RNF17: variants seen among roughly 807,000 people sequenced by gnomAD.
RNF17 encodes the protein ring finger protein 17, also known as spermatogenesis associated 23.
Under a neutral mutation model 200.5 loss-of-function variants are expected in RNF17, and 31 were observed. That is an observed-to-expected ratio of 0.15 (90% CI 0.12 to 0.21). RNF17 has a LOEUF of 0.21. Ranked by LOEUF, RNF17 falls within the 10% of genes least tolerant of loss-of-function variation. RNF17 has a pLI of 1.00. For synonymous variants in RNF17, 606 were observed against 637.8 expected, an observed-to-expected ratio of 0.95 and a Z score of 0.75; for missense variants, 1,628 against 1,905.1, an observed-to-expected ratio of 0.85 and a Z score of 2.71.
intron 4 of RNF17, among the ~76,000 whole-genome samples, chr13:24,779,405 G>A (rs1017322224): frequency 9.2e-5 from 14 of 151,932 alleles, no homozygotes; most frequent in African/African-American, 3.1e-4. Context: ...GGTAATTACA[G>A]GGCATTATCC....
intron 31 of RNF17, among the ~76,000 whole-genome samples, chr13:24,868,988 T>C (rs1353261683): frequency 1.3e-5 from 2 of 152,202 alleles, no homozygotes; most frequent in African/African-American, 4.8e-5. Flanking sequence ...GGTGGAACCG[T>C]TTCTACCTAT....
the RNF17 span, chr13:24,886,466 A>G: frequency 5.9e-6 from 4 of 676,288 alleles, no homozygotes; most frequent in Non-Finnish European, 9.3e-6. Context: ...CAGCAATTTC[A>G]TATGATTCAA....
rs9511490 is a variant in RNF17, at chr13:24,873,844, T to G, written c.4448-270T>G. ...TCTTTCTGTGCTTGTCTTATCTTAG[T>G]TAATATAATGATCCATCCATGTTGC... On this transcript the variant is annotated intron_variant, in intron 32 of 35. Coordinates refer to ENST00000255324, the MANE Select transcript of RNF17 (RefSeq NM_031277.3). Among the ~76,000 whole-genome samples, 35,121 of 152,120 alleles carry G rather than the reference T, an allele frequency of 0.23. 4,512 individuals are homozygous for G. Among genetic ancestry groups the G allele is most frequent in the Non-Finnish European group, 0.29 (19,915 of 67,950 alleles).
At chr13:24,882,153 TAG>T (rs1566273656), downstream of RNF17, 201 of 15,610 alleles carry the variant, frequency 0.013, 75 homozygotes, top group Middle Eastern at 0.2. Flanking sequence ...TCTATATAGA[TAG>T]ATACATCTAT....
the RNF17 span, among the ~76,000 whole-genome samples, chr13:24,756,791 C>G: frequency 1.3e-5 from 2 of 152,130 alleles, no homozygotes; most frequent in South Asian, 2.1e-4. Context: ...TCGACCGAAG[C>G]CTTCCCCCAT....
chr13:24,806,953 C>A (rs1221696237), intron 15 of RNF17, among the ~76,000 whole-genome samples: 3 of 151,854 alleles, frequency 2.0e-5, no homozygotes, highest in Admixed American at 2.0e-4. Context: ...CCAGTTTCAT[C>A]CATGTCCCTA....
At chr13:24,885,207 AT>A in the RNF17 span, 7 of 1,045,414 alleles carry the variant, frequency 6.7e-6, no homozygotes, top group Admixed American at 8.8e-5. Flanking sequence ...TTTAGATTCT[AT>A]GTGTTTCAAC....
intron 33 of RNF17, among the ~76,000 whole-genome samples, chr13:24,876,695 G>T (rs561938779): frequency 6.6e-6 from 1 of 152,294 alleles, no homozygotes; most frequent in South Asian, 2.1e-4. Context: ...ATCCTGTCAT[G>T]TGCTTGTTGG....
chr13:24,814,532 G>C (rs1887155666), intron 15 of RNF17, among the ~76,000 whole-genome samples: 1 of 152,082 alleles, frequency 6.6e-6, no homozygotes, highest in Non-Finnish European at 1.5e-5. Context: ...GATTCATTTT[G>C]AGTTAATTTT....
At chr13:24,749,326 A>C in the RNF17 span, among the ~76,000 whole-genome samples, 2 of 1,422 alleles carry the variant, frequency 1.4e-3, no homozygotes, top group Non-Finnish European at 3.8e-3. Flanking sequence ...TTTTTTTGAG[A>C]CAGAGTCTCA....
At position 24,812,505 on chromosome 13, in the gene RNF17, G is replaced by A. The variant is rs549861765; in HGVS notation, c.2091+8076G>A. Among the ~76,000 whole-genome samples the A allele has an allele frequency of 1.2e-4, 19 of 152,112 alleles. 1 individual carries two copies. The highest frequency in any genetic ancestry group is 8.3e-4 in the South Asian group (4 of 4,818). ...AATGCCTCGCCCTGCTTCGGCTCACGCATGGTGCATGCACCCACTGACCTG... is the reference window on the plus strand; with the variant it reads ...AATGCCTCGCCCTGCTTCGGCTCACACATGGTGCATGCACCCACTGACCTG... On this transcript the variant is annotated intron_variant, in intron 15 of 35. Coordinates refer to ENST00000255324, the MANE Select transcript of RNF17 (RefSeq NM_031277.3).
chr13:24,884,261 G>A (rs1953944199), downstream of RNF17: 2 of 1,613,960 alleles, frequency 1.2e-6, no homozygotes, highest in Admixed American at 1.7e-5. Context: ...AAGACACACA[G>A]TCAGTCTGCC....
upstream of RNF17, among the ~76,000 whole-genome samples, chr13:24,762,875 A>C (rs1039454080): frequency 6.6e-6 from 1 of 152,126 alleles, no homozygotes; most frequent in Admixed American, 6.5e-5. Flanking sequence ...TCAGCCTTAC[A>C]CTCGAGATTC....
intron 15 of RNF17, among the ~76,000 whole-genome samples, chr13:24,816,699 C>T (rs1210470251): frequency 6.6e-6 from 1 of 152,166 alleles, no homozygotes; most frequent in Non-Finnish European, 1.5e-5. Flanking sequence ...CATACACATA[C>T]CTAACTTTCC....
At position 24,830,470 on chromosome 13, in the gene RNF17, C is replaced by T. The variant is rs2138017981; in HGVS notation, c.2246-14C>T. ...TTTCCAAGTTTGTAATTTCTAATTTCATAATTTTTCAAGGATTGCCTGGAC... is the reference window on the plus strand; with the variant it reads ...TTTCCAAGTTTGTAATTTCTAATTTTATAATTTTTCAAGGATTGCCTGGAC... On this transcript the variant is annotated splice_polypyrimidine_tract_variant and intron_variant, in intron 16 of 35. Transcript: ENST00000255324. 6.7e-7 allele frequency: 1 copy of T among 1,501,472 alleles called. No homozygotes were observed. Among genetic ancestry groups the T allele is most frequent in the Non-Finnish European group, 9.1e-7 (1 of 1,093,160 alleles). The allele number at this position is 1,501,472 out of a possible 1,614,324, so 93.0% of individuals were successfully genotyped here.
intron 17 of RNF17, among the ~76,000 whole-genome samples, 169 bp downstream of exon 17, chr13:24,830,768 A>T (rs1889299166): frequency 6.6e-6 from 1 of 152,206 alleles, no homozygotes; most frequent in South Asian, 2.1e-4. Context: ...TAATATGTAT[A>T]TCATGGCAAA....
intron 2 of RNF17, among the ~76,000 whole-genome samples, chr13:24,771,323 CTTTTTTTTTTTT>C (rs35220494): frequency 4.0e-4 from 31 of 78,018 alleles, no homozygotes; most frequent in South Asian, 7.1e-4. Context: ...CACAGATAAT[CTTTTTTTTTTTT>C]TTTTTTTTTT....
intron 25 of RNF17, among the ~76,000 whole-genome samples, chr13:24,856,721 A>G (rs1010374832): frequency 3.3e-5 from 5 of 152,200 alleles, no homozygotes; most frequent in Non-Finnish European, 4.4e-5. Flanking sequence ...TGTTAGTGCT[A>G]TTTATCCCTA....
chr13:24,865,949 A>T (rs986609459), intron 29 of RNF17, among the ~76,000 whole-genome samples, 195 bp from the exon 30 acceptor site: 1 of 152,226 alleles, frequency 6.6e-6, no homozygotes, highest in Non-Finnish European at 1.5e-5. Context: ...ATGTGTTAAC[A>T]TGTATTTGAG....
Sources: allele counts gnomAD v4.1 joint callset (sites outside exome capture counted in the v4.1 genomes callset), GRCh38; gene constraint gnomAD v4.1.1; transcripts MANE v1.5; gene names NCBI Gene and HGNC (gene_info 2026-07-23, HGNC 2026-07-21).